The following PML variants were observed in gnomAD, a reference collection of about 807,000 sequenced individuals.
PML encodes PML nuclear body scaffold, also known as protein PML.
A neutral mutation model predicts 65.2 loss-of-function variants in PML; 28 were observed. The ratio of observed to expected loss-of-function variants is 0.43; its 90% CI spans 0.32 to 0.59. The LOEUF (loss-of-function observed/expected upper bound fraction) is 0.59. Ranked by LOEUF, PML falls within the 20% of genes least tolerant of loss-of-function variation. PML has a pLI of 0.08. For missense variants in PML, 1,021 were observed against 1,203.4 expected (o/e 0.85, Z 2.24); for synonymous variants, 500 against 508.8 (o/e 0.98, Z 0.23).
At chr15:74,034,210 G>A in intron 6 of PML, 1 of 537,668 alleles carries the variant, frequency 1.9e-6, no homozygotes. Flanking sequence ...CTGTACAGGG[G>A]GCAAATTCTG....
chr15:74,010,517 TAAA>T (rs59230084), intron 2 of PML, among the ~76,000 whole-genome samples: 15 of 133,474 alleles, frequency 1.1e-4, no homozygotes, highest in Non-Finnish European at 9.5e-5. Context: ...GCCTTGTCTC[TAAA>T]AAAAAAAAAA....
chr15:74,020,274 G>A (rs2070774374), intron 2 of PML, among the ~76,000 whole-genome samples: 3 of 151,196 alleles, frequency 2.0e-5, no homozygotes, highest in East Asian at 1.9e-4. Flanking sequence ...GCCTCAGGTG[G>A]GCTGACTTAT....
chr15:74,042,330 G>T lies in PML; in HGVS notation c.1711-659G>T, dbSNP rs895521520. Reference sequence around the variant, plus strand: ...GGACCTGGGTGTCCACCTAGATGTGGCCTTCAGGAGGCCAAGCAGTCCTTC... The same window carrying T: ...GGACCTGGGTGTCCACCTAGATGTGTCCTTCAGGAGGCCAAGCAGTCCTTC... On this transcript the variant is annotated intron_variant, in intron 7 of 8. Coordinates refer to ENST00000268058, the MANE Select transcript of PML (RefSeq NM_033238.3). This position sits in a 1 kb window ranked among gnomAD's most constrained non-coding sequence, Gnocchi z 5.3. 3.6e-5 allele frequency: 35 copies of T among 984,632 alleles called. No homozygotes were observed. Among genetic ancestry groups the T allele is most frequent in the Non-Finnish European group, 4.1e-5 (34 of 829,180 alleles). The allele number at this position is 984,632 out of a possible 1,614,324, so 61.0% of individuals were successfully genotyped here.
Position 74,042,895 on chromosome 15 carries a change from C to T in PML, c.1711-94C>T, listed in dbSNP as rs2071724738. On this transcript the variant is annotated intron_variant, in intron 7 of 8. Transcript: ENST00000268058. This position sits in a 1 kb window ranked among gnomAD's most constrained non-coding sequence, Gnocchi z 5.3. ...TGGTACACCCTCCTTCATGTGCACG[C>T]AGATGCTCCCAGCTATACCAGCTTG... The T allele has an allele frequency of 3.1e-6, 5 of 1,606,268 alleles. No individual in the cohort carries two copies. Among genetic ancestry groups the T allele is most frequent in the Non-Finnish European group, 4.2e-6 (5 of 1,179,026 alleles).
chr15:74,033,121 G>A (rs1455368516), intron 5 of PML, 35 bp from the exon 6 acceptor site: 4 of 1,613,062 alleles, frequency 2.5e-6, no homozygotes, highest in Non-Finnish European at 3.4e-6. Flanking sequence ...ACCCCTGCAG[G>A]CACCTGACCT....
chr15:73,995,160 C>T (rs1405395658), intron 1 of PML, among the ~76,000 whole-genome samples: 12 of 152,182 alleles, frequency 7.9e-5, no homozygotes, highest in Non-Finnish European at 1.0e-4. Flanking sequence ...GGGGCGGCCT[C>T]GCTGGGCTGC....
Position 74,044,544 on chromosome 15 carries a change from C to T in PML, c.2185C>T (p.Leu729=). Residue 729 remains leucine, a synonymous_variant, in exon 9 of 9, where the codon CTG becomes TTG. Coordinates refer to ENST00000268058, the MANE Select transcript of PML (RefSeq NM_033238.3). ...GGCCAGCAGCTTCAAACTCAAGAAC[C>T]TGGCCCAGACCTACCTGGCGAGAAA... ...PGASSFKLKN[L]AQTYLARNMS... is the part of the protein sequence containing the mutation. 6.2e-7 allele frequency: 1 copy of T among 1,613,574 alleles called. No individual in the cohort carries two copies. The highest frequency in any genetic ancestry group is 2.2e-5 in the East Asian group (1 of 44,886).
In PML at chr15:74,035,034, C is replaced by T. The variant is rs2071481673; in HGVS notation, c.1710+504C>T. The T allele has an allele frequency of 6.7e-7, 1 of 1,481,642 alleles. No homozygotes were observed. Among genetic ancestry groups the T allele is most frequent in the Non-Finnish European group, 9.3e-7 (1 of 1,077,310 alleles). 91.8% of individuals were successfully genotyped at this position (1,481,642 alleles called of 1,614,324 possible). A position where few individuals can be genotyped will look rare whatever the true frequency, so the allele number is the denominator to read the frequency against. ...GGTGGCCTCGTGGGTAGTGACCCTT[C>T]TGTCCCTAGAGGTTTATTACTAGAG... On this transcript the variant is annotated intron_variant, in intron 7 of 8. Transcript: ENST00000268058. This position sits in a 1 kb window ranked among gnomAD's most constrained non-coding sequence, Gnocchi z 4.1.
At chr15:74,017,358 G>A (rs369671350) in intron 2 of PML, among the ~76,000 whole-genome samples, 10 of 152,092 alleles carry the variant, frequency 6.6e-5, no homozygotes, top group African/African-American at 2.2e-4. Context: ...CATCAGTTTG[G>A]GCTGCTGGCT....
At position 74,034,482 on chromosome 15, in the gene PML, A is replaced by G; in HGVS notation, c.1662A>G (p.Glu554=). The change falls in exon 7 of 9, where the codon GAA becomes GAG. Residue 554 remains glutamate, a synonymous_variant. Transcript: ENST00000268058. The part of the protein sequence containing the change: ...HVASGAGEAE[E]RVVVISSSED... The stretch of plus-strand genomic sequence containing the variant: ...ATCTCCCCTTCCCCGTTTCAGAGGA[A>G]CGCGTTGTGGTGATCAGCAGCTCGG... 2.5e-6 allele frequency: 4 copies of G among 1,613,756 alleles called. No homozygotes were observed. The highest frequency in any genetic ancestry group is 2.5e-6 in the Non-Finnish European group (3 of 1,179,736).
rs549997690 is a variant in PML at position 74,033,665 on chromosome 15, C to A, written c.1657+251C>A. ...GCACAGTTCTATGAGTCCTTTCTCC[C>A]AAACACTACTGTGCCTTTGCACAGG... On this transcript the variant is annotated intron_variant, in intron 6 of 8. Transcript: ENST00000268058. 53 of 666,072 alleles carry A rather than the reference C, an allele frequency of 8.0e-5. No individual in the cohort carries two copies. The African/African-American group carries it at 8.6e-4, about 11-fold the overall frequency. The allele number at this position is 666,072 out of a possible 1,614,324, so 41.3% of individuals were successfully genotyped here.
chr15:74,032,112 T>C lies in PML; in HGVS notation c.1255-460T>C, dbSNP rs554767535. Among the ~76,000 whole-genome samples the C allele has an allele frequency of 2.6e-5, 4 of 152,258 alleles. No individual in the cohort carries two copies. The East Asian group carries it at 7.7e-4, about 29-fold the overall frequency. On this transcript the variant is annotated intron_variant, in intron 4 of 8. Transcript: ENST00000268058. ...AGTGAGCACTTTGTCCCTGGAGGTG[T>C]GTGTCTAAGTAGGGCTAATTACTGA...
At chr15:74,013,121 G>T (rs1222711739) in intron 2 of PML, among the ~76,000 whole-genome samples, 1 of 152,032 alleles carries the variant, frequency 6.6e-6, no homozygotes, top group East Asian at 1.9e-4. Flanking sequence ...TTAACATTTT[G>T]TATCAAATTA....
At chr15:74,017,279 A>G (rs2070635934) in intron 2 of PML, among the ~76,000 whole-genome samples, 1 of 152,206 alleles carries the variant, frequency 6.6e-6, no homozygotes, top group Admixed American at 6.5e-5. Context: ...CTCTAACTTC[A>G]TTCCTGCCCC....
chr15:74,038,894 G>C (rs549242350), intron 7 of PML, among the ~76,000 whole-genome samples: 123 of 152,240 alleles, frequency 8.1e-4, no homozygotes, highest in Non-Finnish European at 9.3e-4. Flanking sequence ...AGGCAGCAGG[G>C]CATAGTCATG....
chr15:74,000,627 C>A (rs1196399624), intron 2 of PML, among the ~76,000 whole-genome samples: 2 of 152,294 alleles, frequency 1.3e-5, no homozygotes, highest in East Asian at 3.9e-4. Context: ...TACTTTAAGT[C>A]ATCTCTAGAT....
intron 7 of PML, chr15:74,034,995 T>C: frequency 6.6e-7 from 1 of 1,520,614 alleles, no homozygotes; most frequent in Non-Finnish European, 8.8e-7. Flanking sequence ...ATAAATCCAT[T>C]CCACAGTGAA....
chr15:74,010,188 T>A (rs1420844458), intron 2 of PML, among the ~76,000 whole-genome samples: 4 of 70,384 alleles, frequency 5.7e-5, no homozygotes, highest in African/African-American at 2.0e-4. Flanking sequence ...CCAGCTAATT[T>A]TTTTTTTTTT....
Position 74,021,991 on chromosome 15 carries a change from C to T in PML, c.603-837C>T, listed in dbSNP as rs1018339317. Among the ~76,000 whole-genome samples, 8 of 152,168 alleles carry T rather than the reference C, an allele frequency of 5.3e-5. No individual in the cohort carries two copies. The East Asian group carries it at 1.5e-3, about 29-fold the overall frequency. On this transcript the variant is annotated intron_variant, in intron 2 of 8. Transcript: ENST00000268058. ...CTTTTTTTTGAGACGGAGTTTTGCT[C>T]TTGTTGCCCAGGCTGGAGTGCAATG... is the stretch of plus-strand genomic sequence containing the variant.
Sources: gnomAD v4.1 joint callset for allele counts (sites outside exome capture counted in the v4.1 genomes callset) on GRCh38, gnomAD v4.1.1 for gene constraint, Gnocchi (gnomAD v3.1) non-coding constraint, MANE v1.5 for transcripts, NCBI Gene and HGNC (gene_info 2026-07-23, HGNC 2026-07-21) for gene names.